MFSD12: variants seen among roughly 807,000 people sequenced by gnomAD.
The protein encoded by MFSD12 is major facilitator superfamily domain-containing protein 12.
In MFSD12, 67 loss-of-function variants were observed where a neutral mutation model predicts 51.2. The observed-to-expected ratio is 1.31, with a 90% CI of 1.08 to 1.60. The LOEUF is 1.60. MFSD12 is among the 40% of genes most tolerant of loss of function. The pLI is 0.00. For synonymous variants in MFSD12, 441 were observed against 316.7 expected, an observed-to-expected ratio of 1.39 and a Z score of -4.17; for missense variants, 921 against 673.0, an observed-to-expected ratio of 1.37 and a Z score of -4.08.
chr19:3,551,387 A>G lies in MFSD12; in HGVS notation c.299-193T>C, dbSNP rs1465214687. 6.6e-6 allele frequency among the ~76,000 whole-genome samples: 1 copy of G among 152,214 alleles called. No individual in the cohort carries two copies. The highest frequency in any genetic ancestry group is 1.5e-5 in the Non-Finnish European group (1 of 68,028). On this transcript the variant is annotated intron_variant, in intron 1 of 9. Coordinates refer to ENST00000355415, the MANE Select transcript of MFSD12 (RefSeq NM_174983.5). The surrounding 1 kb of genome is among the most constrained non-coding windows in gnomAD (Gnocchi z 4.6). ...TATGGCCCCTGGTGACAAAAGGGGA[A>G]TCTGACACCAGGTGCCTGGGCTCAG...
In MFSD12 at chr19:3,549,723, CAAAAAAA is replaced by C. The variant is rs5826823; in HGVS notation, c.509+1254_509+1260del. Among the ~76,000 whole-genome samples, 3 of 87,428 alleles carry C rather than the reference CAAAAAAA, an allele frequency of 3.4e-5. No individual in the cohort carries two copies. In the South Asian group the frequency reaches 1.3e-3, roughly 37 times the overall value. 57.4% of individuals were successfully genotyped at this position (87,428 alleles called of 152,430 possible). On this transcript the variant is annotated intron_variant, in intron 2 of 9. Coordinates refer to ENST00000355415, the MANE Select transcript of MFSD12 (RefSeq NM_174983.5). ...GGGTGACAGAGTGAGACTCTTGTCT[CAAAAAAA>C]AAAAAAAAAAAAGCCAGGCACAGTG... is the stretch of plus-strand genomic sequence containing the variant.
Position 3,547,911 on chromosome 19 carries a change from G to T in MFSD12, c.774C>A (p.Ala258=), listed in dbSNP as rs1411514834. The change falls in exon 4 of 10, where the codon GCC becomes GCA. Residue 258 remains alanine, a synonymous_variant. Coordinates refer to ENST00000355415, the MANE Select transcript of MFSD12 (RefSeq NM_174983.5). The part of the protein sequence containing the change: ...EEPGEHTPLL[A]PATAQPLLLW... The stretch of plus-strand genomic sequence containing the variant: ...GCAGCAGGGGCTGGGCCGTGGCAGG[G>T]GCCAACAGGGGGGTGTGCTCGCCTG... 4 of 1,573,658 alleles carry T rather than the reference G, an allele frequency of 2.5e-6. No individual in the cohort carries two copies. In the Admixed American group the frequency reaches 8.3e-5, roughly 33 times the overall value.
At chr19:3,555,945 G>A (rs959825541) in intron 1 of MFSD12, among the ~76,000 whole-genome samples, 2 of 152,188 alleles carry the variant, frequency 1.3e-5, no homozygotes, top group African/African-American at 4.8e-5. Context: ...TCTTATCGAT[G>A]GGCACTGGGG....
intron 8 of MFSD12, among the ~76,000 whole-genome samples, chr19:3,545,837 G>C (rs974775796): frequency 6.6e-6 from 1 of 152,184 alleles, no homozygotes; most frequent in African/African-American, 2.4e-5. Context: ...GCCCACCCCC[G>C]ATATATTTCT....
chr19:3,554,685 C>G (rs187951702), intron 1 of MFSD12, among the ~76,000 whole-genome samples: 3 of 152,326 alleles, frequency 2.0e-5, no homozygotes, highest in Admixed American at 2.0e-4. Flanking sequence ...CCTTCTGAAG[C>G]CCATTTGTGC....
chr19:3,544,909 G>A lies in MFSD12; in HGVS notation c.1320C>T (p.Ser440=). Residue 440 remains serine, a synonymous_variant, in exon 9 of 10, where the codon AGC becomes AGT. Transcript: ENST00000355415. ...CAGCCACCATCGCCCAGTGGTAAAA[G>A]CTCACGCAGGCCCTGCAGCAGAGCT... The part of the protein sequence containing the change: ...PSELCCRACV[S]FYHWAMVAVT... The A allele has an allele frequency of 6.2e-7, 1 of 1,610,948 alleles. No homozygotes were observed. The highest frequency in any genetic ancestry group is 8.5e-7 in the Non-Finnish European group (1 of 1,179,354).
At chr19:3,543,543 G>A (rs372849028), downstream of MFSD12, 150 of 1,216,344 alleles carry the variant, frequency 1.2e-4, 1 homozygote, top group African/African-American at 1.5e-4. Flanking sequence ...GCCAGCCCCC[G>A]CCCCACCGCA....
chr19:3,542,002 G>C, downstream of MFSD12: 1 of 452,110 alleles, frequency 2.2e-6, no homozygotes, highest in Non-Finnish European at 2.9e-6. Context: ...TAGAGACGGG[G>C]TTTCACCATG....
chr19:3,539,205 C>G (rs11668417), downstream of MFSD12: 33 of 1,549,480 alleles, frequency 2.1e-5, no homozygotes, highest in African/African-American at 2.8e-5. Flanking sequence ...AGAGGCTGCA[C>G]GGCCCTGTAT....
chr19:3,550,987 A>T lies in MFSD12; in HGVS notation c.506T>A (p.Leu169His), dbSNP rs781515884. 17 of 1,610,724 alleles carry T rather than the reference A, an allele frequency of 1.1e-5. No individual in the cohort carries two copies. The African/African-American group carries it at 2.3e-4, about 22-fold the overall frequency. ...GGGAGGGTGCCCAGGCTCCCACCTG[A>T]GTGCCGTGAGCTCCACCTTCTCATG... ...NDHEKVELTA[L>H]RYAFTVVANI... The change falls in exon 2 of 10, where the codon CTC becomes CAC. Residue 169 changes from leucine to histidine, a missense_variant. Coordinates refer to ENST00000355415, the MANE Select transcript of MFSD12 (RefSeq NM_174983.5).
chr19:3,557,075 GC>G (rs1599844705), intron 1 of MFSD12, 30 bp downstream of exon 1: 3 of 1,428,352 alleles, frequency 2.1e-6, no homozygotes, highest in Non-Finnish European at 2.7e-6. Context: ...CGGAGGGGCT[GC>G]CCGACAGGTG....
At chr19:3,554,193 G>T (rs2145221056) in intron 1 of MFSD12, among the ~76,000 whole-genome samples, 1 of 152,136 alleles carries the variant, frequency 6.6e-6, no homozygotes, top group South Asian at 2.1e-4. Context: ...TCCCAGCACT[G>T]TGGGGGGCTG....
downstream of MFSD12, chr19:3,544,055 G>C (rs553055380): frequency 4.0e-5 from 59 of 1,490,556 alleles, 1 homozygote; most frequent in Admixed American, 4.4e-5. Context: ...ACCCAGATGA[G>C]GGGGCACTAA....
chr19:3,546,042 A>G (rs2030995190), intron 8 of MFSD12, 32 bp downstream of exon 8: 1 of 1,609,382 alleles, frequency 6.2e-7, no homozygotes, highest in South Asian at 1.1e-5. Context: ...CTTACTGAAC[A>G]AAAGAATGAA....
In MFSD12 at chr19:3,544,333, G is replaced by T; in HGVS notation, c.*377C>A. The T allele has an allele frequency of 7.9e-7, 1 of 1,272,690 alleles. No homozygotes were observed. The highest frequency in any genetic ancestry group is 9.9e-7 in the Non-Finnish European group (1 of 1,009,026). 78.8% of individuals were successfully genotyped at this position (1,272,690 alleles called of 1,614,324 possible). ...CTCCAGGCTCCAGCCGTCCTGAGGG[G>T]GCCCTGGCAGTGTCTGGAGACCCCC... is the stretch of plus-strand genomic sequence containing the variant. On this transcript the variant is annotated 3_prime_UTR_variant, in exon 10 of 10. Coordinates refer to ENST00000355415, the MANE Select transcript of MFSD12 (RefSeq NM_174983.5).
At chr19:3,544,099 G>C (rs1203419920), downstream of MFSD12, 2 of 1,433,812 alleles carry the variant, frequency 1.4e-6, no homozygotes, top group Non-Finnish European at 1.8e-6. Flanking sequence ...TCGGGACAGA[G>C]GCAGACACTG....
chr19:3,554,744 C>T (rs369078523), intron 1 of MFSD12, among the ~76,000 whole-genome samples: 96 of 152,324 alleles, frequency 6.3e-4, no homozygotes, highest in African/African-American at 2.3e-3. Flanking sequence ...AGGGTCGTCT[C>T]GGGATTGTGG....
At chr19:3,542,465 C>T (rs2030495428), downstream of MFSD12, 1 of 985,146 alleles carries the variant, frequency 1.0e-6, no homozygotes, top group Non-Finnish European at 1.2e-6. Context: ...CATAAAACAT[C>T]TTTGAGTCTC....
chr19:3,556,994 G>GAAA (rs2031759495), intron 1 of MFSD12, 112 bp downstream of exon 1: 2 of 1,060,384 alleles, frequency 1.9e-6, no homozygotes, highest in South Asian at 1.8e-5. Flanking sequence ...ACCGAGGGGA[G>GAAA]ACTCCGATCC....
Sources: gnomAD v4.1 joint callset for allele counts (sites outside exome capture counted in the v4.1 genomes callset) on GRCh38, gnomAD v4.1.1 for gene constraint, Gnocchi (gnomAD v3.1) non-coding constraint, MANE v1.5 for transcripts, NCBI Gene and HGNC (gene_info 2026-07-23, HGNC 2026-07-21) for gene names.